Variants in OLFM4 observed in about 807,000 individuals in gnomAD.
The protein encoded by OLFM4 is olfactomedin-4.
Under a neutral mutation model 25.5 loss-of-function variants are expected in OLFM4, and 22 were observed. The observed-to-expected ratio is 0.86, with a 90% CI of 0.62 to 1.23. OLFM4 has a LOEUF of 1.23. Ranked by LOEUF, OLFM4 falls within the 50% of genes most tolerant of loss-of-function variation. The probability of loss-of-function intolerance (pLI) is 0.00; values close to 1 mark genes in which losing one functional copy is unlikely to be tolerated. For missense variants in OLFM4, 594 were observed against 619.4 expected (o/e 0.96, Z 0.44); for synonymous variants, 255 against 237.7 (o/e 1.07, Z -0.67).
intron 2 of OLFM4, among the ~76,000 whole-genome samples, chr13:53,037,343 T>C (rs1954664233): frequency 6.6e-6 from 1 of 152,212 alleles, no homozygotes; most frequent in Non-Finnish European, 1.5e-5. Context: ...TGGCATGAGT[T>C]ATTTAATATG....
chr13:53,030,359 G>A (rs1314570481), intron 1 of OLFM4, among the ~76,000 whole-genome samples: 2 of 152,136 alleles, frequency 1.3e-5, no homozygotes, highest in Non-Finnish European at 2.9e-5. Context: ...CTGGAGTGCA[G>A]TGGCACGATC....
chr13:53,028,853 C>G lies in OLFM4; in HGVS notation c.17C>G (p.Ser6Ter). ...GAGGACAAGATGAGGCCCGGCCTCTCATTTCTCCTAGCCCTTCTGTTCTTC... is the reference window on the plus strand; with the variant it reads ...GAGGACAAGATGAGGCCCGGCCTCTGATTTCTCCTAGCCCTTCTGTTCTTC... The part of the protein sequence containing the change: MRPGL[S>*]FLLALLFFLG... Residue 6 changes from serine (S) to a stop codon, truncating the protein, a stop_gained, in exon 1 of 5, where the codon TCA becomes TGA. Transcript: ENST00000219022. LOFTEE classifies it high-confidence loss of function. 1.9e-6 allele frequency: 3 copies of G among 1,614,228 alleles called. No individual in the cohort carries two copies. The highest frequency in any genetic ancestry group is 2.5e-6 in the Non-Finnish European group (3 of 1,180,036).
intron 4 of OLFM4, among the ~76,000 whole-genome samples, chr13:53,048,364 G>A (rs1350835107): frequency 6.6e-6 from 1 of 152,144 alleles, no homozygotes; most frequent in Non-Finnish European, 1.5e-5. Flanking sequence ...TGGATACAGA[G>A]TGGTTTCATT....
chr13:53,036,061 C>T (rs1171113042), intron 2 of OLFM4, among the ~76,000 whole-genome samples: 3 of 152,150 alleles, frequency 2.0e-5, no homozygotes, highest in Non-Finnish European at 4.4e-5. Context: ...CCTCAACATC[C>T]AACATAGTTA....
At chr13:53,046,638 G>T (rs1019129587) in intron 4 of OLFM4, among the ~76,000 whole-genome samples, 1 of 152,192 alleles carries the variant, frequency 6.6e-6, no homozygotes, top group African/African-American at 2.4e-5. Context: ...GGGGTTACCA[G>T]CATGAGTAAA....
chr13:53,035,810 G>A (rs1414528603), intron 2 of OLFM4, among the ~76,000 whole-genome samples: 1 of 152,132 alleles, frequency 6.6e-6, no homozygotes, highest in Non-Finnish European at 1.5e-5. Context: ...ATCTTAAAGG[G>A]TTTGCCTTTC....
chr13:53,037,583 A>T (rs948498189), intron 2 of OLFM4, among the ~76,000 whole-genome samples: 2 of 152,194 alleles, frequency 1.3e-5, no homozygotes, highest in Non-Finnish European at 2.9e-5. Flanking sequence ...AGTCTTTATG[A>T]TAATCTTGTA....
At chr13:53,043,707 T>C (rs1273882198) in intron 4 of OLFM4, among the ~76,000 whole-genome samples, 2 of 148,326 alleles carry the variant, frequency 1.3e-5, no homozygotes, top group Admixed American at 6.6e-5. Flanking sequence ...ATCTTCTCTC[T>C]CTCCTTCTGT....
At chr13:53,045,914 G>T (rs528787537) in intron 4 of OLFM4, among the ~76,000 whole-genome samples, 1 of 152,218 alleles carries the variant, frequency 6.6e-6, no homozygotes, top group Admixed American at 6.5e-5. Context: ...CTAAATGACT[G>T]TATATAGGCC....
At position 53,049,953 on chromosome 13, in the gene OLFM4, T is replaced by C; in HGVS notation, c.731-16T>C. The stretch of plus-strand genomic sequence containing the variant: ...CTTTTCTCTAAAAATGCCTTTTTAT[T>C]TTCTTGTTTGTATAGGGAGCTGTGG... On this transcript the variant is annotated splice_polypyrimidine_tract_variant and intron_variant, in intron 4 of 4. Transcript: ENST00000219022. The C allele has an allele frequency of 6.4e-7, 1 of 1,564,514 alleles. No individual in the cohort carries two copies. Among genetic ancestry groups the C allele is most frequent in the Non-Finnish European group, 8.7e-7 (1 of 1,154,384 alleles).
At chr13:53,036,865 A>G (rs562326074) in intron 2 of OLFM4, among the ~76,000 whole-genome samples, 2 of 152,220 alleles carry the variant, frequency 1.3e-5, no homozygotes, top group South Asian at 2.1e-4. Flanking sequence ...GACTTGCCCA[A>G]GGTCATTCCT....
In OLFM4 at chr13:53,028,879, C is replaced by T. The variant is rs1300049047; in HGVS notation, c.43C>T (p.Leu15Phe). Residue 15 changes from leucine (L) to phenylalanine (F), a missense_variant, in exon 1 of 5, where the codon CTT becomes TTT. Transcript: ENST00000219022. Reference protein sequence around the residue: ...LSFLLALLFFLGQAAGDLGDV... With the variant: ...LSFLLALLFFFGQAAGDLGDV... Reference sequence around the variant, plus strand: ...ATTTCTCCTAGCCCTTCTGTTCTTCCTTGGCCAAGCTGCAGGGGATTTGGG... The same window carrying T: ...ATTTCTCCTAGCCCTTCTGTTCTTCTTTGGCCAAGCTGCAGGGGATTTGGG... 2 of 1,614,088 alleles carry T rather than the reference C, an allele frequency of 1.2e-6. No individual in the cohort carries two copies. Among genetic ancestry groups the T allele is most frequent in the African/African-American group, 1.3e-5 (1 of 74,938 alleles).
At chr13:53,042,745 C>T (rs1467791572) in intron 3 of OLFM4, among the ~76,000 whole-genome samples, 1 of 152,216 alleles carries the variant, frequency 6.6e-6, no homozygotes, top group African/African-American at 2.4e-5. Context: ...TAAGCTTTCT[C>T]TGGCCCTCAC....
intron 2 of OLFM4, among the ~76,000 whole-genome samples, chr13:53,041,022 T>G (rs1469335462): frequency 6.6e-6 from 1 of 152,132 alleles, no homozygotes; most frequent in Non-Finnish European, 1.5e-5. Flanking sequence ...TTATACACTG[T>G]TGGTGGGAGT....
Position 53,034,411 on chromosome 13 carries a change from C to A in OLFM4, c.268C>A (p.Pro90Thr), listed in dbSNP as rs1351333923. The A allele has an allele frequency of 1.9e-6, 3 of 1,613,904 alleles. No individual in the cohort carries two copies. The highest frequency in any genetic ancestry group is 1.3e-5 in the African/African-American group (1 of 74,888). Residue 90 changes from proline (P) to threonine (T), a missense_variant, in exon 2 of 5, where the codon CCA (proline) becomes ACA (threonine). By Grantham distance (38) the Pro-to-Thr change is conservative. Coordinates refer to ENST00000219022, the MANE Select transcript of OLFM4 (RefSeq NM_006418.5). ...GACCTGCCAGTGCTCTGTTTCCCTG[C>A]CAGACACCACCTTTCCCGTGGACAG... ...RGTCQCSVSL[P>T]DTTFPVDRVE... is the part of the protein sequence containing the mutation.
chr13:53,048,358 T>C (rs975691960), intron 4 of OLFM4, among the ~76,000 whole-genome samples: 3 of 152,206 alleles, frequency 2.0e-5, no homozygotes, highest in African/African-American at 7.2e-5. Flanking sequence ...TGAGGTTGGA[T>C]ACAGAGTGGT....
intron 2 of OLFM4, among the ~76,000 whole-genome samples, chr13:53,035,920 G>A (rs967831370): frequency 1.3e-5 from 2 of 152,152 alleles, no homozygotes; most frequent in African/African-American, 4.8e-5. Context: ...CCTATTTTCT[G>A]CACAGGTGAA....
chr13:53,043,251 TC>T lies in OLFM4; in HGVS notation c.719del (p.Pro240LeufsTer13), dbSNP rs1205817496. The part of the protein sequence containing the change: ...KDQNTPVVHP[P>X]PTPGSCGHGG... ...ATCAAAACACCCCTGTCGTCCACCC[TC>T]CTCCCACTCCAGGTAAGCATGCCAG... On this transcript the variant is annotated frameshift_variant, in exon 4 of 5. Coordinates refer to ENST00000219022, the MANE Select transcript of OLFM4 (RefSeq NM_006418.5). LOFTEE classifies it low-confidence loss of function (END_TRUNC). 6.2e-7 allele frequency: 1 copy of T among 1,602,404 alleles called. No homozygotes were observed. The highest frequency in any genetic ancestry group is 2.2e-5 in the East Asian group (1 of 44,546).
At chr13:53,032,580 C>G (rs74760443) in intron 1 of OLFM4, among the ~76,000 whole-genome samples, 2,578 of 152,132 alleles carry the variant, frequency 0.017, 68 homozygotes, top group African/African-American at 0.057. Context: ...GCTGTCCACC[C>G]CTATGTTCGA....
Sources: gnomAD v4.1 joint callset for allele counts (sites outside exome capture counted in the v4.1 genomes callset) on GRCh38, gnomAD v4.1.1 for gene constraint, MANE v1.5 for transcripts, NCBI Gene and HGNC (gene_info 2026-07-23, HGNC 2026-07-21) for gene names.